Variants in GRM8 observed in about 807,000 individuals in gnomAD.
GRM8 encodes the protein glutamate metabotropic receptor 8.
In GRM8, 47 loss-of-function variants were observed where a neutral mutation model predicts 87.2. That is an observed-to-expected ratio of 0.54 (90% confidence interval 0.43 to 0.69). The LOEUF (loss-of-function observed/expected upper bound fraction) is 0.69, where lower values mean the gene tolerates loss of function less well. GRM8 is among the 30% of genes least tolerant of loss of function. The probability of loss-of-function intolerance (pLI) is 0.00; values close to 1 mark genes in which losing one functional copy is unlikely to be tolerated. For synonymous variants in GRM8, 396 were observed against 404.5 expected (o/e 0.98, Z 0.25); for missense variants, 1,019 against 1,139.2 (o/e 0.89, Z 1.52).
rs1249366938 is a variant in GRM8 at position 126,595,021 on chromosome 7, T to C, written c.1494+14341A>G. On this transcript the variant is annotated intron_variant, in intron 8 of 10. Transcript: ENST00000339582. ...CTTGGTACATTCATCATTAGAGTAC[T>C]AGTCAACAATAAAAAGCAATGCAGC... Among the ~76,000 whole-genome samples the C allele has an allele frequency of 7.2e-5, 11 of 152,124 alleles. No homozygotes were observed. In the South Asian group the frequency reaches 1.2e-3, roughly 17 times the overall value.
intron 2 of GRM8, among the ~76,000 whole-genome samples, chr7:127,109,799 T>C (rs1184610828): frequency 6.6e-6 from 1 of 152,154 alleles, no homozygotes. Flanking sequence ...GCAGGAAATT[T>C]AATACAGCTT....
At chr7:126,681,498 C>G (rs1282979299) in intron 7 of GRM8, among the ~76,000 whole-genome samples, 1 of 152,180 alleles carries the variant, frequency 6.6e-6, no homozygotes, top group Non-Finnish European at 1.5e-5. Context: ...GCAAACCAGA[C>G]AGAAAAAGTA....
intron 2 of GRM8, among the ~76,000 whole-genome samples, chr7:127,187,411 G>A (rs1466779409): frequency 2.1e-5 from 3 of 143,470 alleles, no homozygotes; most frequent in Admixed American, 6.9e-5. Flanking sequence ...AAGCAGGAGT[G>A]GTTTTTTAAC....
intron 7 of GRM8, among the ~76,000 whole-genome samples, chr7:126,636,954 G>A (rs931507585): frequency 6.6e-6 from 1 of 151,932 alleles, no homozygotes; most frequent in African/African-American, 2.4e-5. Context: ...TAGCAATGAT[G>A]TTATTAAAAT....
intron 1 of GRM8, among the ~76,000 whole-genome samples, chr7:127,243,997 G>A (rs1478546762): frequency 6.6e-6 from 1 of 151,710 alleles, no homozygotes; most frequent in Non-Finnish European, 1.5e-5. Flanking sequence ...AGGAAAAAGT[G>A]ATTATTCAAT....
rs537329610 is a variant in GRM8, at chr7:126,590,976, T to TA, written c.1494+18385dup. On this transcript the variant is annotated intron_variant, in intron 8 of 10. Transcript: ENST00000339582. ...ACAACAACACCATAAATTTTTTTTT[T>TA]AAAAAAAGGTATTTAGGCAACAAAT... Among the ~76,000 whole-genome samples the TA allele has an allele frequency of 7.6e-3, 1,149 of 151,604 alleles. 16 individuals carry two copies. The highest frequency in any genetic ancestry group is 0.026 in the African/African-American group (1,061 of 41,444).
chr7:126,467,861 G>A (rs1804686049), intron 9 of GRM8, among the ~76,000 whole-genome samples: 1 of 151,930 alleles, frequency 6.6e-6, no homozygotes, highest in Non-Finnish European at 1.5e-5. Flanking sequence ...CAATATATTT[G>A]GTTGTGATAC....
Position 127,242,713 on chromosome 7 carries a change from G to A in GRM8, c.492C>T (p.Asn164=). 2.5e-6 allele frequency: 4 copies of A among 1,613,862 alleles called. No individual in the cohort carries two copies. Among genetic ancestry groups the A allele is most frequent in the Non-Finnish European group, 2.5e-6 (3 of 1,179,934 alleles). Residue 164 remains asparagine (N), a synonymous_variant, in exon 2 of 11, where the codon AAC becomes AAT. Transcript: ENST00000339582. ...TACCTACCTTAAAAAGTCTTAAAAT[G>A]TTAGCAACCATGATGGACACGGAGC... ...AASSVSIMVA[N]ILRLFKIPQI...
At chr7:126,827,582 T>G (rs1257224228) in intron 6 of GRM8, among the ~76,000 whole-genome samples, 1 of 152,228 alleles carries the variant, frequency 6.6e-6, no homozygotes, top group Non-Finnish European at 1.5e-5. Context: ...GAGACTTTGC[T>G]GAAGTTGCTT....
intron 7 of GRM8, among the ~76,000 whole-genome samples, chr7:126,690,378 G>C (rs1221234615): frequency 6.6e-6 from 1 of 152,198 alleles, no homozygotes; most frequent in Non-Finnish European, 1.5e-5. Flanking sequence ...GCAGCTCCAG[G>C]CACCTGCATG....
intron 2 of GRM8, among the ~76,000 whole-genome samples, chr7:127,167,469 C>T (rs1352307264): frequency 6.6e-6 from 1 of 152,034 alleles, no homozygotes; most frequent in Non-Finnish European, 1.5e-5. Flanking sequence ...AATTTAAGGT[C>T]TGTGGCAACC....
chr7:126,847,859 T>G (rs1441857631), intron 6 of GRM8, among the ~76,000 whole-genome samples: 1 of 152,152 alleles, frequency 6.6e-6, no homozygotes, highest in Non-Finnish European at 1.5e-5. Context: ...GTGGGATAGA[T>G]ATATTGGTGG....
At chr7:126,806,246 A>G (rs542377519) in intron 6 of GRM8, among the ~76,000 whole-genome samples, 1 of 152,056 alleles carries the variant, frequency 6.6e-6, no homozygotes, top group Non-Finnish European at 1.5e-5. Context: ...GGTGAGTGCT[A>G]CAGCTCTTAA....
At chr7:126,887,621 G>A (rs1800621330) in intron 6 of GRM8, among the ~76,000 whole-genome samples, 1 of 151,990 alleles carries the variant, frequency 6.6e-6, no homozygotes, top group Non-Finnish European at 1.5e-5. Context: ...CCTCCAAACT[G>A]TCTACATATA....
rs757908823 is a variant in GRM8 at position 126,558,564 on chromosome 7, G to A, written c.1495-24677C>T. Reference sequence around the variant, plus strand: ...TGTAATATTTGCTTATAACCTACATGCATCCTACTGTATACTTGAAATCAT... The same window carrying A: ...TGTAATATTTGCTTATAACCTACATACATCCTACTGTATACTTGAAATCAT... On this transcript the variant is annotated intron_variant, in intron 8 of 10. Coordinates refer to ENST00000339582, the MANE Select transcript of GRM8 (RefSeq NM_000845.3). Among the ~76,000 whole-genome samples, 5 of 152,166 alleles carry A rather than the reference G, an allele frequency of 3.3e-5. No individual in the cohort carries two copies. In the East Asian group the frequency reaches 5.8e-4, roughly 18 times the overall value.
At chr7:126,990,802 C>T (rs1292431725) in intron 3 of GRM8, among the ~76,000 whole-genome samples, 2 of 152,162 alleles carry the variant, frequency 1.3e-5, no homozygotes, top group East Asian at 3.8e-4. Context: ...GAATTTGGCA[C>T]AAAGCATTTC....
intron 3 of GRM8, among the ~76,000 whole-genome samples, chr7:127,060,611 A>T (rs1820511396): frequency 1.3e-5 from 2 of 152,196 alleles, no homozygotes; most frequent in South Asian, 4.1e-4. Flanking sequence ...AATGATATAT[A>T]ACAGTCCAAT....
intron 7 of GRM8, among the ~76,000 whole-genome samples, chr7:126,626,211 G>C (rs1223589183): frequency 6.6e-6 from 1 of 151,634 alleles, no homozygotes; most frequent in Non-Finnish European, 1.5e-5. Context: ...GGTGGAAAAA[G>C]AAAGATTCTC....
chr7:126,493,500 A>G (rs1808297091), intron 9 of GRM8, among the ~76,000 whole-genome samples: 1 of 152,060 alleles, frequency 6.6e-6, no homozygotes, highest in East Asian at 1.9e-4. Flanking sequence ...CTTTCCCGGA[A>G]GAACAGATTT....
Sources: gnomAD v4.1 joint callset for allele counts (sites outside exome capture counted in the v4.1 genomes callset) on GRCh38, gnomAD v4.1.1 for gene constraint, MANE v1.5 for transcripts, NCBI Gene and HGNC (gene_info 2026-07-23, HGNC 2026-07-21) for gene names.